Variants in MX2 observed in about 807,000 individuals in gnomAD.
MX2 encodes interferon-induced GTP-binding protein Mx2.
MX2 carries 51 observed loss-of-function variants against 74.0 expected under a neutral mutation model. The ratio of observed to expected loss-of-function variants is 0.69; its 90% CI spans 0.55 to 0.87. The LOEUF (loss-of-function observed/expected upper bound fraction) is 0.87, where lower values mean the gene tolerates loss of function less well. MX2 is among the 40% of genes least tolerant of loss of function. MX2 has a pLI of 0.00. For synonymous variants in MX2, 369 were observed against 339.3 expected, an observed-to-expected ratio of 1.09 and a Z score of -0.96; for missense variants, 832 against 908.7, an observed-to-expected ratio of 0.92 and a Z score of 1.09.
chr21:41,375,087 A>G (rs1202945569), intron 1 of MX2, among the ~76,000 whole-genome samples: 4 of 152,062 alleles, frequency 2.6e-5, no homozygotes, highest in Admixed American at 2.6e-4. Flanking sequence ...GCTGGTCCCC[A>G]CTTCCTCCAA....
intron 7 of MX2, among the ~76,000 whole-genome samples, chr21:41,396,678 C>T (rs551324270): frequency 6.6e-6 from 1 of 152,158 alleles, no homozygotes; most frequent in East Asian, 1.9e-4. Context: ...CAGTAAACAC[C>T]ACCCGGTTCC....
At chr21:41,379,289 G>A (rs1451816209) in intron 3 of MX2, among the ~76,000 whole-genome samples, 1 of 152,182 alleles carries the variant, frequency 6.6e-6, no homozygotes, top group Non-Finnish European at 1.5e-5. Context: ...TGGAAGACGG[G>A]ACAATACCTC....
chr21:41,392,565 G>A (rs758151028), intron 6 of MX2, among the ~76,000 whole-genome samples: 1 of 152,166 alleles, frequency 6.6e-6, no homozygotes, highest in Non-Finnish European at 1.5e-5. Flanking sequence ...TTGGGAAGAT[G>A]AAAAAGTTCT....
At chr21:41,403,395 C>G in intron 12 of MX2, 52 bp downstream of exon 12, 1 of 1,436,350 alleles carries the variant, frequency 7.0e-7, no homozygotes, top group Non-Finnish European at 9.8e-7. Context: ...GCTGTTTAAC[C>G]TTGAGAGAAG....
In MX2 at chr21:41,366,217, G is replaced by C. The variant is rs368669287; in HGVS notation, c.-72+4162G>C. The stretch of plus-strand genomic sequence containing the variant: ...AATCTTAAAGATCCCACAGTGGCCT[G>C]TGAGTTTGCTGAAATACCCCAGGTG... On this transcript the variant is annotated intron_variant, in intron 1 of 13. Coordinates refer to ENST00000330714, the MANE Select transcript of MX2 (RefSeq NM_002463.2). The surrounding 1 kb of genome is among the most constrained non-coding windows in gnomAD (Gnocchi z 4.5). 6.6e-6 allele frequency: 1 copy of C among 152,240 alleles called. No individual in the cohort carries two copies. Among genetic ancestry groups the C allele is most frequent in the Non-Finnish European group, 1.5e-5 (1 of 68,034 alleles). The allele number at this position is 152,240 out of a possible 1,614,324, so 9.4% of individuals were successfully genotyped here. A position where few individuals can be genotyped will look rare whatever the true frequency, so the allele number is the denominator to read the frequency against.
In MX2 at chr21:41,408,138, A is replaced by G; in HGVS notation, c.2053A>G (p.Thr685Ala). The change falls in exon 14 of 14, where the codon ACC (threonine) becomes GCC (alanine). Residue 685 changes from threonine (T) to alanine (A), a missense_variant. Physicochemically the swap from Thr to Ala is moderately conservative, Grantham distance 58. Coordinates refer to ENST00000330714, the MANE Select transcript of MX2 (RefSeq NM_002463.2). ...YSWLLQEQSE[T>A]ATKRRILKER... ...CTGGCTGCTTCAAGAGCAGAGTGAG[A>G]CCGCTACCAAGAGAAGAATCCTTAA... is the stretch of plus-strand genomic sequence containing the variant. 6.2e-7 allele frequency: 1 copy of G among 1,614,176 alleles called. No individual in the cohort carries two copies.
chr21:41,401,822 T>C, intron 10 of MX2, 148 bp from the exon 11 acceptor site: 1 of 758,572 alleles, frequency 1.3e-6, no homozygotes, highest in South Asian at 2.1e-5. Flanking sequence ...TATTAGACCA[T>C]GAATATTTTT....
At position 41,376,939 on chromosome 21, in the gene MX2, G is replaced by A. The variant is rs766091667; in HGVS notation, c.33G>A (p.Arg11=). 3.1e-6 allele frequency: 5 copies of A among 1,614,028 alleles called. No individual in the cohort carries two copies. Among genetic ancestry groups the A allele is most frequent in the Admixed American group, 3.3e-5 (2 of 60,016 alleles). Residue 11 remains arginine (R), a synonymous_variant, in exon 2 of 14, where the codon CGG becomes CGA. Transcript: ENST00000330714. MSKAHKPWPY[R]RRSQFSSRKY... is the part of the protein sequence containing the mutation. ...AGGCCCACAAGCCTTGGCCCTACCG[G>A]AGGAGAAGTCAATTTTCTTCTCGAA... is the stretch of plus-strand genomic sequence containing the variant.
At position 41,377,114 on chromosome 21, in the gene MX2, A is replaced by G. The variant is rs138011814; in HGVS notation, c.208A>G (p.Asn70Asp). The G allele has an allele frequency of 1.0e-4, 161 of 1,614,208 alleles. No individual in the cohort carries two copies. The highest frequency in any genetic ancestry group is 1.3e-4 in the Non-Finnish European group (158 of 1,180,028). Residue 70 changes from asparagine (N) to aspartate (D), a missense_variant, in exon 2 of 14, where the codon AAT (asparagine) becomes GAT (aspartate). Transcript: ENST00000330714. ...GGACTTCAACTTTCTCACTTTGAAC[A>G]ATCAGCCACCACCAGGAAACAGGAG... ...AKDFNFLTLN[N>D]QPPPGNRSQP... is the part of the protein sequence containing the mutation.
chr21:41,398,533 T>G (rs1349401684), intron 8 of MX2, among the ~76,000 whole-genome samples: 1 of 152,226 alleles, frequency 6.6e-6, no homozygotes, highest in Non-Finnish European at 1.5e-5. Context: ...AAGATTTAAA[T>G]GTACCCTTAG....
intron 6 of MX2, among the ~76,000 whole-genome samples, chr21:41,393,850 C>T (rs2089696840): frequency 6.6e-6 from 1 of 152,204 alleles, no homozygotes; most frequent in African/African-American, 2.4e-5. Flanking sequence ...GATTCACCTC[C>T]TCTCCAAGGC....
In MX2 at chr21:41,402,107, A is replaced by G. The variant is rs1223361578; in HGVS notation, c.1552A>G (p.Ser518Gly). The change falls in exon 11 of 14, where the codon AGC becomes GGC. Residue 518 changes from serine to glycine, a missense_variant. Coordinates refer to ENST00000330714, the MANE Select transcript of MX2 (RefSeq NM_002463.2). The surrounding 1 kb of genome is among the most constrained non-coding windows in gnomAD (Gnocchi z 4.5). The part of the protein sequence containing the change: ...YIQQLVEPAL[S>G]MLQKAMEIIQ... ...CCAGCAGCTGGTGGAGCCCGCCCTT[A>G]GCATGCTCCAGAAAGCCATGGGTGA... 6.2e-7 allele frequency: 1 copy of G among 1,613,598 alleles called. No homozygotes were observed. Among genetic ancestry groups the G allele is most frequent in the African/African-American group, 1.3e-5 (1 of 74,900 alleles).
chr21:41,401,863 AT>A (rs1368269191), intron 10 of MX2, 106 bp from the exon 11 acceptor site: 1 of 1,238,452 alleles, frequency 8.1e-7, no homozygotes, highest in Non-Finnish European at 1.1e-6. Context: ...ACTTTGCAAC[AT>A]TGCCTCTGCG....
intron 1 of MX2, among the ~76,000 whole-genome samples, chr21:41,370,822 C>G (rs1445622323): frequency 6.6e-6 from 1 of 152,126 alleles, no homozygotes; most frequent in Non-Finnish European, 1.5e-5. Flanking sequence ...CATAAGAATA[C>G]TTATTCTATG....
At chr21:41,372,604 T>G (rs2089339673) in intron 1 of MX2, among the ~76,000 whole-genome samples, 1 of 152,172 alleles carries the variant, frequency 6.6e-6, no homozygotes, top group Non-Finnish European at 1.5e-5. Context: ...AGCTTCTACT[T>G]TAGTATCTCA....
In MX2 at chr21:41,390,702, C is replaced by T. The variant is rs1219707900; in HGVS notation, c.870C>T (p.Ile290=). ...HEVDPEGDRT[I]GILTKPDLMD... ...TGGACCCGGAAGGGGACAGGACCAT[C>T]GGTAAGAGGAAAGAACCAAGTGGCC... is the stretch of plus-strand genomic sequence containing the variant. The change falls in exon 6 of 14, where the codon ATC becomes ATT. Residue 290 remains isoleucine, a splice_region_variant and synonymous_variant. Coordinates refer to ENST00000330714, the MANE Select transcript of MX2 (RefSeq NM_002463.2). 8.7e-6 allele frequency: 14 copies of T among 1,613,760 alleles called. No individual in the cohort carries two copies. The highest frequency in any genetic ancestry group is 1.7e-5 in the Admixed American group (1 of 59,986).
chr21:41,403,211 T>C (rs1398309528), intron 11 of MX2, 56 bp from the exon 12 acceptor site: 5 of 1,397,268 alleles, frequency 3.6e-6, no homozygotes, highest in Non-Finnish European at 5.1e-6. Flanking sequence ...GTTTTATTTC[T>C]GCTTGCATTT....
chr21:41,390,722 G>C lies in MX2; in HGVS notation c.871+19G>C. The C allele has an allele frequency of 6.2e-7, 1 of 1,612,586 alleles. No homozygotes were observed. The highest frequency in any genetic ancestry group is 1.3e-5 in the African/African-American group (1 of 75,002). On this transcript the variant is annotated intron_variant, in intron 6 of 13. Transcript: ENST00000330714. ...ACCATCGGTAAGAGGAAAGAACCAA[G>C]TGGCCGGGTGCGGTGGCTCAAGCCT...
intron 7 of MX2, 76 bp downstream of exon 7, chr21:41,395,861 G>C: frequency 1.4e-6 from 2 of 1,456,616 alleles, no homozygotes; most frequent in Non-Finnish European, 1.9e-6. Flanking sequence ...CCCAGATCAT[G>C]ACCAAAGTGT....
Sources: gnomAD v4.1 joint callset for allele counts (sites outside exome capture counted in the v4.1 genomes callset) on GRCh38, gnomAD v4.1.1 for gene constraint, Gnocchi (gnomAD v3.1) non-coding constraint, MANE v1.5 for transcripts, NCBI Gene and HGNC (gene_info 2026-07-23, HGNC 2026-07-21) for gene names.